NRXN1: variants seen among roughly 807,000 people sequenced by gnomAD.
The protein encoded by NRXN1 is neurexin-1.
A neutral mutation model predicts 150.9 loss-of-function variants in NRXN1; 39 were observed. The observed-to-expected ratio is 0.26, with a 90% confidence interval of 0.20 to 0.34. The LOEUF (loss-of-function observed/expected upper bound fraction) is 0.34. Ranked by LOEUF, NRXN1 falls within the 10% of genes least tolerant of loss-of-function variation. The probability of loss-of-function intolerance (pLI) is 1.00; values close to 1 mark genes in which losing one functional copy is unlikely to be tolerated. For synonymous variants in NRXN1, 924 were observed against 757.0 expected, an observed-to-expected ratio of 1.22 and a Z score of -3.62; for missense variants, 1,815 against 1,949.9, an observed-to-expected ratio of 0.93 and a Z score of 1.30.
At chr2:50,800,725 T>G (rs1707474788) in intron 5 of NRXN1, among the ~76,000 whole-genome samples, 1 of 152,100 alleles carries the variant, frequency 6.6e-6, no homozygotes, top group Non-Finnish European at 1.5e-5. Flanking sequence ...AATTTTTGCA[T>G]TTTTAGTAGA....
intron 5 of NRXN1, among the ~76,000 whole-genome samples, chr2:50,638,917 T>C (rs898448461): frequency 6.6e-6 from 1 of 152,134 alleles, no homozygotes; most frequent in Non-Finnish European, 1.5e-5. Context: ...CCAGGACACA[T>C]ATACAATACC....
intron 8 of NRXN1, among the ~76,000 whole-genome samples, chr2:50,598,912 C>T (rs1675774083): frequency 6.6e-6 from 1 of 151,650 alleles, no homozygotes; most frequent in African/African-American, 2.4e-5. Context: ...TGCCCGCCAC[C>T]ACACTTGGCT....
At chr2:51,000,380 C>T (rs1261459708) in intron 2 of NRXN1, among the ~76,000 whole-genome samples, 1 of 151,960 alleles carries the variant, frequency 6.6e-6, no homozygotes, top group African/African-American at 2.4e-5. Flanking sequence ...TCTGCCTTCC[C>T]ACCTGAATAT....
chr2:50,100,307 G>C (rs1426043504), intron 18 of NRXN1, among the ~76,000 whole-genome samples: 9 of 152,026 alleles, frequency 5.9e-5, no homozygotes. Flanking sequence ...GTAGGATTTA[G>C]TGGTCGTAAA....
intron 18 of NRXN1, among the ~76,000 whole-genome samples, chr2:50,153,387 A>G (rs2058811096): frequency 6.7e-6 from 1 of 150,176 alleles, no homozygotes; most frequent in Non-Finnish European, 1.5e-5. Context: ...CCAATTCTTT[A>G]TATGTAATTT....
chr2:50,187,860 C>G (rs1326001119), intron 18 of NRXN1, among the ~76,000 whole-genome samples: 1 of 152,100 alleles, frequency 6.6e-6, no homozygotes, highest in East Asian at 1.9e-4. Context: ...AATGGGAGTT[C>G]ACTCATGATT....
intron 5 of NRXN1, among the ~76,000 whole-genome samples, chr2:50,877,721 C>T (rs1048219611): frequency 6.6e-6 from 1 of 151,878 alleles, no homozygotes; most frequent in African/African-American, 2.4e-5. Flanking sequence ...TTAGTTAATA[C>T]ATACTGGTGA....
rs1680414482 is a variant in NRXN1 at position 50,623,451 on chromosome 2, G to A, written c.997C>T (p.Leu333Phe). The part of the protein sequence containing the change: ...HTGKSADYVN[L>F]ALKNGAVSLV... ...GAGACAGCTCCATTTTTCAGGGCAA[G>A]ATTGACATAATCAGCCGATTTCCCA... The change falls in exon 6 of 23, where the codon CTT becomes TTT. Residue 333 changes from leucine (L) to phenylalanine (F), a missense_variant. Leu to Phe is a conservative substitution (Grantham distance 22). Transcript: ENST00000401669. The A allele has an allele frequency of 6.2e-7, 1 of 1,613,330 alleles. No homozygotes were observed. The highest frequency in any genetic ancestry group is 8.5e-7 in the Non-Finnish European group (1 of 1,179,534).
intron 8 of NRXN1, among the ~76,000 whole-genome samples, chr2:50,591,399 G>A (rs138438889): frequency 8.9e-5 from 12 of 135,064 alleles, no homozygotes; most frequent in South Asian, 2.5e-4. Context: ...TAGATAGATA[G>A]ATAGATAGAT....
intron 21 of NRXN1, among the ~76,000 whole-genome samples, chr2:50,019,086 C>G (rs7571903): frequency 0.18 from 26,904 of 152,088 alleles, 3,020 homozygotes; most frequent in African/African-American, 0.31. Flanking sequence ...CCCTGTTTTG[C>G]AAATCCTTCC....
At chr2:50,811,421 A>G (rs1231646777) in intron 5 of NRXN1, among the ~76,000 whole-genome samples, 1 of 152,192 alleles carries the variant, frequency 6.6e-6, no homozygotes, top group Non-Finnish European at 1.5e-5. Flanking sequence ...GTCACAGACA[A>G]AGAATCAAGA....
intron 8 of NRXN1, among the ~76,000 whole-genome samples, chr2:50,559,205 G>A (rs1668696427): frequency 6.6e-6 from 1 of 152,178 alleles, no homozygotes; most frequent in African/African-American, 2.4e-5. Context: ...TCAGTGCACT[G>A]TGTCAAAATA....
At chr2:50,614,453 T>G (rs1678704853) in intron 8 of NRXN1, among the ~76,000 whole-genome samples, 1 of 151,926 alleles carries the variant, frequency 6.6e-6, no homozygotes, top group Admixed American at 6.6e-5. Flanking sequence ...TGACAGATAC[T>G]CTATTCCTCT....
chr2:50,337,505 G>A (rs2077273442), intron 17 of NRXN1, among the ~76,000 whole-genome samples: 2 of 152,128 alleles, frequency 1.3e-5, no homozygotes, highest in Non-Finnish European at 2.9e-5. Flanking sequence ...GGTAAAATGG[G>A]AGAGTAAAGT....
At chr2:50,810,885 C>T (rs1427449777) in intron 5 of NRXN1, among the ~76,000 whole-genome samples, 1 of 151,698 alleles carries the variant, frequency 6.6e-6, no homozygotes, top group East Asian at 1.9e-4. Context: ...GAGGCTGAGG[C>T]AGGGGAATCA....
intron 5 of NRXN1, among the ~76,000 whole-genome samples, chr2:50,749,810 A>C (rs1322664880): frequency 6.6e-6 from 1 of 152,046 alleles, no homozygotes; most frequent in African/African-American, 2.4e-5. Context: ...GAAATTCAGA[A>C]AGGGTAAATA....
At chr2:50,670,089 T>G (rs1688624839) in intron 5 of NRXN1, among the ~76,000 whole-genome samples, 1 of 151,832 alleles carries the variant, frequency 6.6e-6, no homozygotes, top group Admixed American at 6.6e-5. Context: ...TTTTTAATCC[T>G]AGCTGCATAT....
chr2:49,996,051 T>G (rs1168534970), intron 21 of NRXN1, among the ~76,000 whole-genome samples: 1 of 151,928 alleles, frequency 6.6e-6, no homozygotes, highest in Non-Finnish European at 1.5e-5. Flanking sequence ...GGGGTGAGTA[T>G]GATGTACAAT....
At chr2:50,673,171 C>G (rs926471051) in intron 5 of NRXN1, among the ~76,000 whole-genome samples, 2 of 151,972 alleles carry the variant, frequency 1.3e-5, no homozygotes, top group Non-Finnish European at 2.9e-5. Context: ...TTATTTATCT[C>G]TAAGGATATA....
Sources: allele counts gnomAD v4.1 joint callset (sites outside exome capture counted in the v4.1 genomes callset), GRCh38; gene constraint gnomAD v4.1.1; transcripts MANE v1.5; gene names NCBI Gene and HGNC (gene_info 2026-07-23, HGNC 2026-07-21).